The following TEX2 variants were observed in gnomAD, a reference collection of about 807,000 sequenced individuals.
The protein encoded by TEX2 is testis expressed 2, also known as testis-expressed protein 2.
TEX2 carries 53 observed loss-of-function variants against 106.9 expected under a neutral mutation model. The observed-to-expected ratio is 0.50, with a 90% CI of 0.40 to 0.62. The LOEUF (loss-of-function observed/expected upper bound fraction) is 0.62. Among genes scored for constraint, TEX2 ranks in the 20% least tolerant of loss-of-function variants. The pLI, the probability that TEX2 is intolerant of heterozygous loss-of-function variation, is 0.00. For missense variants in TEX2, 1,207 were observed against 1,379.0 expected (o/e 0.88, Z 1.98); for synonymous variants, 523 against 534.8 (o/e 0.98, Z 0.30).
intron 6 of TEX2, among the ~76,000 whole-genome samples, chr17:64,172,280 G>A (rs1473108998): frequency 2.0e-5 from 3 of 151,298 alleles, no homozygotes; most frequent in Non-Finnish European, 1.5e-5. Flanking sequence ...TTGAACCTGA[G>A]AGGTGGAGGT....
Position 64,213,811 on chromosome 17 carries a change from G to A in TEX2, c.407C>T (p.Pro136Leu), listed in dbSNP as rs892847390. 2 of 1,614,222 alleles carry A rather than the reference G, an allele frequency of 1.2e-6. No homozygotes were observed. The highest frequency in any genetic ancestry group is 2.2e-5 in the East Asian group (1 of 44,890). ...VLSTVPLAVS[P>L]GSSSSGPLAS... ...TAAGGGCCCCGACGAAGACGACCCT[G>A]GGGACACAGCCAATGGCACTGTACT... The change falls in exon 2 of 12, where the codon CCA becomes CTA. Residue 136 changes from proline (P) to leucine (L), a missense_variant. Coordinates refer to ENST00000584379, the MANE Select transcript of TEX2 (RefSeq NM_001288732.2). The surrounding 1 kb of genome is among the most constrained non-coding windows in gnomAD (Gnocchi z 4.4).
At chr17:64,226,948 C>G (rs1233928529) in intron 1 of TEX2, among the ~76,000 whole-genome samples, 1 of 152,140 alleles carries the variant, frequency 6.6e-6, no homozygotes, top group Non-Finnish European at 1.5e-5. Flanking sequence ...TGACATCAGG[C>G]TGGGCACGGG....
chr17:64,226,773 C>G (rs2033516486), intron 1 of TEX2, among the ~76,000 whole-genome samples: 1 of 152,056 alleles, frequency 6.6e-6, no homozygotes, highest in Admixed American at 6.5e-5. Flanking sequence ...AAGGCTGGAA[C>G]ATAATTAGCA....
At chr17:64,222,988 G>A (rs1291295554) in intron 1 of TEX2, among the ~76,000 whole-genome samples, 3 of 152,160 alleles carry the variant, frequency 2.0e-5, no homozygotes, top group Non-Finnish European at 2.9e-5. Flanking sequence ...CTATCCCTAT[G>A]AAGAAGTTCA....
At chr17:64,260,264 A>T (rs2034266510) in intron 1 of TEX2, among the ~76,000 whole-genome samples, 1 of 152,230 alleles carries the variant, frequency 6.6e-6, no homozygotes, top group South Asian at 2.1e-4. Flanking sequence ...ACTCAAGAGG[A>T]CACTGCAAGA....
chr17:64,191,593 G>GT (rs1329367342), intron 4 of TEX2, among the ~76,000 whole-genome samples: 3 of 152,148 alleles, frequency 2.0e-5, no homozygotes, highest in Admixed American at 2.0e-4. Flanking sequence ...AAGGTGGGCG[G>GT]TTCACTTGAG....
At chr17:64,215,677 T>G (rs1555632566) in intron 1 of TEX2, among the ~76,000 whole-genome samples, 1 of 152,192 alleles carries the variant, frequency 6.6e-6, no homozygotes, top group Non-Finnish European at 1.5e-5. Flanking sequence ...AGATCCACAG[T>G]CCTTTCCAAA....
intron 1 of TEX2, among the ~76,000 whole-genome samples, chr17:64,247,649 G>A (rs2034016087): frequency 1.3e-5 from 2 of 152,206 alleles, no homozygotes; most frequent in Non-Finnish European, 2.9e-5. Context: ...CTGTGCTCCA[G>A]GTTCTTCTAC....
At chr17:64,250,291 A>G (rs2034065118) in intron 1 of TEX2, among the ~76,000 whole-genome samples, 1 of 152,242 alleles carries the variant, frequency 6.6e-6, no homozygotes, top group African/African-American at 2.4e-5. Context: ...TTATCAAAGG[A>G]AACAATAATA....
chr17:64,256,684 G>C (rs2034190862), intron 1 of TEX2, among the ~76,000 whole-genome samples: 1 of 152,260 alleles, frequency 6.6e-6, no homozygotes, highest in South Asian at 2.1e-4. Context: ...TAGATAATGT[G>C]CTTTGTGCAG....
intron 1 of TEX2, among the ~76,000 whole-genome samples, chr17:64,257,355 T>C (rs1475295387): frequency 6.6e-6 from 1 of 152,252 alleles, no homozygotes; most frequent in Non-Finnish European, 1.5e-5. Flanking sequence ...TTTCAAGGAC[T>C]TAAGTCTTCT....
chr17:64,205,290 C>T lies in TEX2; in HGVS notation c.1644+7284G>A, dbSNP rs1342625487. Among the ~76,000 whole-genome samples, 1 of 152,180 alleles carries T rather than the reference C, an allele frequency of 6.6e-6. No individual in the cohort carries two copies. Among genetic ancestry groups the T allele is most frequent in the Non-Finnish European group, 1.5e-5 (1 of 68,030 alleles). ...CAAGATTGTGCCACTGCACTCTAGCCTGAGCGACAGAGCGAGGCAAAACAA... is the reference window on the plus strand; with the variant it reads ...CAAGATTGTGCCACTGCACTCTAGCTTGAGCGACAGAGCGAGGCAAAACAA... On this transcript the variant is annotated intron_variant, in intron 2 of 11. Transcript: ENST00000584379. The surrounding 1 kb of genome is among the most constrained non-coding windows in gnomAD (Gnocchi z 4.0).
At chr17:64,202,129 C>G (rs1555630165) in intron 2 of TEX2, among the ~76,000 whole-genome samples, 1 of 152,086 alleles carries the variant, frequency 6.6e-6, no homozygotes, top group Non-Finnish European at 1.5e-5. Context: ...AGAAAATAAC[C>G]CCAGAAACCA....
intron 1 of TEX2, among the ~76,000 whole-genome samples, chr17:64,257,574 AT>A (rs1442175427): frequency 6.6e-6 from 1 of 152,218 alleles, no homozygotes; most frequent in Non-Finnish European, 1.5e-5. Context: ...CCTGCCCAGG[AT>A]GTGAATCCTC....
intron 2 of TEX2, among the ~76,000 whole-genome samples, chr17:64,199,899 C>T (rs782648627): frequency 2.5e-4 from 38 of 152,212 alleles, no homozygotes; most frequent in Non-Finnish European, 2.9e-4. Flanking sequence ...CTTCCTTTCT[C>T]TTCTTGTGCA....
intron 8 of TEX2, chr17:64,155,569 A>AC (rs1259121877): frequency 6.6e-6 from 1 of 152,132 alleles, no homozygotes; most frequent in Non-Finnish European, 1.5e-5. Context: ...AAAGCCAACA[A>AC]CCACATACAC....
chr17:64,193,748 C>T lies in TEX2; in HGVS notation c.1987G>A (p.Glu663Lys). ...GGCTTCTTAGGGTCCTCACTTCCCT[C>T]AGCTGGCGGCTTCTCTTCTGAAGTC... ...KETSEEKPPA[E>K]GSEDPKKPPR... The change falls in exon 4 of 12, where the codon GAG becomes AAG. Residue 663 changes from glutamate (E) to lysine (K), a missense_variant. Physicochemically the swap from Glu to Lys is moderately conservative, Grantham distance 56. Around this residue, in one of 3 missense-constraint regions of TEX2, gnomAD observed 1,067 missense variants for 1,193.6 expected, o/e 0.89. Transcript: ENST00000584379. 1.9e-6 allele frequency: 3 copies of T among 1,613,864 alleles called. No individual in the cohort carries two copies. The highest frequency in any genetic ancestry group is 1.7e-6 in the Non-Finnish European group (2 of 1,179,840).
At chr17:64,184,194 A>C (rs1267512427) in intron 5 of TEX2, among the ~76,000 whole-genome samples, 1 of 151,932 alleles carries the variant, frequency 6.6e-6, no homozygotes, top group Non-Finnish European at 1.5e-5. Flanking sequence ...GACCTCCCTG[A>C]CTCGAGCAAT....
rs2033112316 is a variant in TEX2 at position 64,214,054 on chromosome 17, T to G, written c.164A>C (p.Tyr55Ser). Residue 55 changes from tyrosine to serine, a missense_variant, in exon 2 of 12, where the codon TAC (tyrosine) becomes TCC (serine). Tyr to Ser is a moderately radical substitution (Grantham distance 144). Coordinates refer to ENST00000584379, the MANE Select transcript of TEX2 (RefSeq NM_001288732.2). ...EEEEEEEFRE[Y>S]FEEGLDDQSI... ...TTGGTCATCCAGCCCCTCCTCAAAG[T>G]ACTCCCTGAACTCCTCCTCCTCTTC... is the stretch of plus-strand genomic sequence containing the variant. 6 of 1,614,172 alleles carry G rather than the reference T, an allele frequency of 3.7e-6. No homozygotes were observed. Among genetic ancestry groups the G allele is most frequent in the Middle Eastern group, 1.7e-4 (1 of 6,060 alleles).
Sources: gnomAD v4.1 joint callset for allele counts (sites outside exome capture counted in the v4.1 genomes callset) on GRCh38, gnomAD v4.1.1 for gene constraint, gnomAD v4.1.1 regional missense constraint, Gnocchi (gnomAD v3.1) non-coding constraint, MANE v1.5 for transcripts, NCBI Gene and HGNC (gene_info 2026-07-23, HGNC 2026-07-21) for gene names.